Variants in RCOR1 observed in about 807,000 individuals in gnomAD.
RCOR1 encodes REST corepressor.
RCOR1 carries 12 observed loss-of-function variants against 64.0 expected under a neutral mutation model. The ratio of observed to expected loss-of-function variants is 0.19; its 90% CI spans 0.12 to 0.30. The LOEUF (loss-of-function observed/expected upper bound fraction) is 0.30. Ranked by LOEUF, RCOR1 falls within the 10% of genes least tolerant of loss-of-function variation. RCOR1 has a pLI of 1.00. For synonymous variants in RCOR1, 279 were observed against 227.2 expected (o/e 1.23, Z -2.05); for missense variants, 502 against 621.2 (o/e 0.81, Z 2.04).
At chr14:102,718,418 C>T (rs908523346) in intron 8 of RCOR1, among the ~76,000 whole-genome samples, 1 of 152,216 alleles carries the variant, frequency 6.6e-6, no homozygotes, top group Admixed American at 6.5e-5. Context: ...TCATCAACCT[C>T]TACCAGCGAG....
chr14:102,623,366 A>G (rs1050493363), intron 2 of RCOR1, among the ~76,000 whole-genome samples: 1 of 147,338 alleles, frequency 6.8e-6, no homozygotes, highest in African/African-American at 2.6e-5. Flanking sequence ...AGAGATAACA[A>G]TTTACTTCCT....
At chr14:102,626,233 A>G (rs2139905094) in intron 2 of RCOR1, among the ~76,000 whole-genome samples, 1 of 152,244 alleles carries the variant, frequency 6.6e-6, no homozygotes, top group East Asian at 1.9e-4. Context: ...TTCTTGTTTC[A>G]TTAGTTCTTT....
intron 2 of RCOR1, among the ~76,000 whole-genome samples, chr14:102,631,229 G>C (rs935597910): frequency 4.0e-5 from 6 of 150,706 alleles, no homozygotes; most frequent in Admixed American, 1.3e-4. Context: ...TTGAGACGGA[G>C]TCTTGCTGTG....
At chr14:102,669,899 G>A (rs942080019) in intron 2 of RCOR1, among the ~76,000 whole-genome samples, 2 of 152,116 alleles carry the variant, frequency 1.3e-5, no homozygotes, top group South Asian at 2.1e-4. Flanking sequence ...CTCATGCGTA[G>A]CATCTCAGGA....
At chr14:102,696,762 C>G (rs1430266030) in intron 3 of RCOR1, among the ~76,000 whole-genome samples, 1 of 148,794 alleles carries the variant, frequency 6.7e-6, no homozygotes, top group Non-Finnish European at 1.5e-5. Flanking sequence ...GCTCCTCTTC[C>G]TTCCTGTTTC....
At chr14:102,683,138 G>A (rs74082492) in intron 3 of RCOR1, among the ~76,000 whole-genome samples, 7,897 of 152,226 alleles carry the variant, frequency 0.052, 670 homozygotes, top group African/African-American at 0.18. Flanking sequence ...AAACAGTGGT[G>A]TTGCCTATAA....
chr14:102,643,008 C>T lies in RCOR1; in HGVS notation c.362-38887C>T, dbSNP rs189379045. Among the ~76,000 whole-genome samples, 117 of 152,270 alleles carry T rather than the reference C, an allele frequency of 7.7e-4. 1 individual carries two copies. Among genetic ancestry groups the T allele is most frequent in the African/African-American group, 2.5e-3 (105 of 41,540 alleles). Reference sequence around the variant, plus strand: ...TTAGAAATGGAAGAGATTGGCTGGGCGCAGTGGCTCACGCCTGTAATCCCT... The same window carrying T: ...TTAGAAATGGAAGAGATTGGCTGGGTGCAGTGGCTCACGCCTGTAATCCCT... On this transcript the variant is annotated intron_variant, in intron 2 of 11. Coordinates refer to ENST00000262241, the MANE Select transcript of RCOR1 (RefSeq NM_015156.4).
At chr14:102,721,214 G>C (rs1395662050) in intron 9 of RCOR1, 106 bp from the exon 10 acceptor site, 3 of 1,156,088 alleles carry the variant, frequency 2.6e-6, no homozygotes, top group African/African-American at 1.5e-5. Context: ...TATGAACCCA[G>C]TTGATGTTAA....
rs369389057 is a variant in RCOR1 at position 102,620,971 on chromosome 14, AATT to A, written c.361+27648_361+27650del. ...AAACACAGATGTCACAACTAAAAAAAATTAATACTTAGTCCTTAGTGTCATTAA... is the reference window on the plus strand; with the variant it reads ...AAACACAGATGTCACAACTAAAAAAAAATACTTAGTCCTTAGTGTCATTAA... On this transcript the variant is annotated intron_variant, in intron 2 of 11. Transcript: ENST00000262241. Among the ~76,000 whole-genome samples the A allele has an allele frequency of 2.7e-3, 414 of 152,320 alleles. 1 individual carries two copies. Among genetic ancestry groups the A allele is most frequent in the African/African-American group, 9.5e-3 (393 of 41,566 alleles).
chr14:102,649,664 C>A, intron 2 of RCOR1: 2 of 328,984 alleles, frequency 6.1e-6, no homozygotes, highest in Non-Finnish European at 8.7e-6. Context: ...CAGTTAAGAC[C>A]TCCACTGAAG....
At chr14:102,713,734 A>G (rs1199000909) in intron 7 of RCOR1, among the ~76,000 whole-genome samples, 6 of 152,248 alleles carry the variant, frequency 3.9e-5, no homozygotes, top group Non-Finnish European at 5.9e-5. Context: ...TATCACTACC[A>G]TTATAGTTTT....
chr14:102,632,692 T>TTTTCCTTTTCC (rs1567415237), intron 2 of RCOR1, among the ~76,000 whole-genome samples: 19 of 119,140 alleles, frequency 1.6e-4, no homozygotes, highest in South Asian at 2.7e-4. Context: ...TTCCTTTTCC[T>TTTTCCTTTTCC]TTTCCTTTCC....
intron 2 of RCOR1, among the ~76,000 whole-genome samples, chr14:102,638,478 T>G (rs1415917898): frequency 2.6e-5 from 4 of 151,898 alleles, no homozygotes; most frequent in Non-Finnish European, 5.9e-5. Flanking sequence ...CCCGAGTAGC[T>G]GGAATTACAG....
chr14:102,721,483 C>T (rs1374025969), intron 10 of RCOR1, 106 bp downstream of exon 10: 6 of 756,670 alleles, frequency 7.9e-6, no homozygotes, highest in Non-Finnish European at 1.4e-5. Context: ...CCCAGGAGCT[C>T]AAGGCTGCAT....
chr14:102,632,907 G>C (rs1478889849), intron 2 of RCOR1, among the ~76,000 whole-genome samples: 1 of 151,074 alleles, frequency 6.6e-6, no homozygotes, highest in African/African-American at 2.4e-5. Flanking sequence ...AAACTCCTGG[G>C]CTCAAGCAGT....
chr14:102,637,889 C>T (rs559851734), intron 2 of RCOR1, among the ~76,000 whole-genome samples: 2 of 152,120 alleles, frequency 1.3e-5, no homozygotes, highest in South Asian at 4.2e-4. Context: ...TTTCTAGTTT[C>T]GTTGTGTCTT....
intron 3 of RCOR1, among the ~76,000 whole-genome samples, chr14:102,686,475 A>G (rs1190888111): frequency 1.3e-5 from 2 of 152,184 alleles, no homozygotes; most frequent in Non-Finnish European, 2.9e-5. Flanking sequence ...CATAGTTTAC[A>G]TTAAGCTTCA....
intron 2 of RCOR1, among the ~76,000 whole-genome samples, chr14:102,620,545 C>G (rs1369472985): frequency 6.6e-6 from 1 of 152,102 alleles, no homozygotes; most frequent in Non-Finnish European, 1.5e-5. Flanking sequence ...TCAGCATCAA[C>G]AAGAGCGAAA....
chr14:102,687,254 T>G (rs1271775807), intron 3 of RCOR1, among the ~76,000 whole-genome samples: 1 of 152,228 alleles, frequency 6.6e-6, no homozygotes, highest in African/African-American at 2.4e-5. Flanking sequence ...CTCTTCCTTT[T>G]TAGAGGTAGA....
Sources: gnomAD v4.1 joint callset for allele counts (sites outside exome capture counted in the v4.1 genomes callset) on GRCh38, gnomAD v4.1.1 for gene constraint, MANE v1.5 for transcripts, NCBI Gene and HGNC (gene_info 2026-07-23, HGNC 2026-07-21) for gene names.